Variants in PITPNM3 observed in about 807,000 individuals in gnomAD.
PITPNM3 encodes membrane-associated phosphatidylinositol transfer protein 3.
PITPNM3 carries 26 observed loss-of-function variants against 102.0 expected under a neutral mutation model. The ratio of observed to expected loss-of-function variants is 0.25; its 90% CI spans 0.19 to 0.35. The LOEUF (loss-of-function observed/expected upper bound fraction) is 0.35, where lower values mean the gene tolerates loss of function less well. Ranked by LOEUF, PITPNM3 falls within the 10% of genes least tolerant of loss-of-function variation. The pLI is 1.00. For synonymous variants in PITPNM3, 578 were observed against 558.6 expected (o/e 1.03, Z -0.49); for missense variants, 1,083 against 1,346.1 (o/e 0.80, Z 3.06).
At position 6,463,714 on chromosome 17, in the gene PITPNM3, G is replaced by A. The variant is rs200177991; in HGVS notation, c.2306+18C>T. 44 of 1,609,872 alleles carry A rather than the reference G, an allele frequency of 2.7e-5. No individual in the cohort carries two copies. Among genetic ancestry groups the A allele is most frequent in the Middle Eastern group, 2.2e-4 (1 of 4,478 alleles). ...TGCCCCCCAGGGAGATATAGCCCTC[G>A]TGGAAGGTGGCACTCACCGGACAAC... On this transcript the variant is annotated intron_variant, in intron 17 of 19. Transcript: ENST00000262483.
At chr17:6,507,154 G>C (rs530180671) in intron 3 of PITPNM3, among the ~76,000 whole-genome samples, 2 of 152,282 alleles carry the variant, frequency 1.3e-5, no homozygotes, top group Non-Finnish European at 2.9e-5. Flanking sequence ...TGGGGGTGGG[G>C]CTGAGAAGCC....
rs888489563 is a variant in PITPNM3, at chr17:6,458,167, C to T, written c.2491-445G>A. Among the ~76,000 whole-genome samples the T allele has an allele frequency of 6.6e-6, 1 of 151,990 alleles. No individual in the cohort carries two copies. The highest frequency in any genetic ancestry group is 1.9e-4 in the East Asian group (1 of 5,180). On this transcript the variant is annotated intron_variant, in intron 18 of 19. Transcript: ENST00000262483. This position sits in a 1 kb window ranked among gnomAD's most constrained non-coding sequence, Gnocchi z 5.1. ...GCCTCTCACTGGCTGGTGTGATGAC[C>T]GCCCCCCTCCCCAACCCCAGAATCC...
chr17:6,504,011 C>A lies in PITPNM3; in HGVS notation c.227-437G>T, dbSNP rs576346100. On this transcript the variant is annotated intron_variant, in intron 3 of 19. Transcript: ENST00000262483. Reference sequence around the variant, plus strand: ...CTTAGCTCTGGATCTGCATATCCCACTGCCCCCCAGACGTCTTCTGTGGCC... The same window carrying A: ...CTTAGCTCTGGATCTGCATATCCCAATGCCCCCCAGACGTCTTCTGTGGCC... Among the ~76,000 whole-genome samples the A allele has an allele frequency of 2.5e-4, 38 of 152,294 alleles. No homozygotes were observed. In the South Asian group the frequency reaches 3.5e-3, roughly 14 times the overall value.
chr17:6,544,789 T>C (rs1375471118), intron 1 of PITPNM3, among the ~76,000 whole-genome samples: 1 of 151,918 alleles, frequency 6.6e-6, no homozygotes, highest in African/African-American at 2.4e-5. Context: ...GGATGTCCCA[T>C]GGGCAGTGGG....
At chr17:6,552,972 G>A (rs544451279) in intron 1 of PITPNM3, among the ~76,000 whole-genome samples, 6 of 151,598 alleles carry the variant, frequency 4.0e-5, no homozygotes, top group Admixed American at 1.3e-4. Flanking sequence ...GGGTTTCACC[G>A]TGTTAGCCAG....
intron 6 of PITPNM3, chr17:6,481,635 AG>A (rs1220017757): frequency 6.6e-6 from 1 of 151,996 alleles, no homozygotes; most frequent in Non-Finnish European, 1.5e-5. Context: ...TCACTCCTCC[AG>A]GAAGTCCTCT....
chr17:6,480,183 A>G (rs1007430303), intron 6 of PITPNM3: 4 of 152,328 alleles, frequency 2.6e-5, no homozygotes, highest in African/African-American at 7.2e-5. Flanking sequence ...CAAGAATCAC[A>G]CCAGGGATTT....
chr17:6,544,409 A>G (rs1909897346), intron 1 of PITPNM3, among the ~76,000 whole-genome samples: 1 of 152,106 alleles, frequency 6.6e-6, no homozygotes, highest in East Asian at 1.9e-4. Context: ...GCATGTGCCT[A>G]TAGTCCCAGG....
At chr17:6,497,698 C>T (rs1421628687) in intron 4 of PITPNM3, among the ~76,000 whole-genome samples, 3 of 152,198 alleles carry the variant, frequency 2.0e-5, no homozygotes, top group East Asian at 1.9e-4. Context: ...TGATGCCAGG[C>T]GCTGGCTCTG....
rs1013492268 is a variant in PITPNM3 at position 6,455,226 on chromosome 17, C to A, written c.*112G>T. 2.2e-6 allele frequency: 3 copies of A among 1,339,016 alleles called. No homozygotes were observed. The African/African-American group carries it at 4.5e-5, about 20-fold the overall frequency. 82.9% of individuals were successfully genotyped at this position (1,339,016 alleles called of 1,614,324 possible). A position where few individuals can be genotyped will look rare whatever the true frequency, so the allele number is the denominator to read the frequency against. The stretch of plus-strand genomic sequence containing the variant: ...CTGGTCGGACACTGCTGGACAGACA[C>A]GGGAGGGAAAAAGCAGGAAAACGCC... On this transcript the variant is annotated 3_prime_UTR_variant, in exon 20 of 20. Transcript: ENST00000262483.
chr17:6,537,921 G>T lies in PITPNM3; in HGVS notation c.118+66C>A. On this transcript the variant is annotated intron_variant, in intron 2 of 19. Coordinates refer to ENST00000262483, the MANE Select transcript of PITPNM3 (RefSeq NM_031220.4). This position sits in a 1 kb window ranked among gnomAD's most constrained non-coding sequence, Gnocchi z 4.4. ...GGGGAGGGATGCGGACCCCCAAATG[G>T]GATCTTCTTCTTGAGGCTTCTAGGA... 3 of 1,366,608 alleles carry T rather than the reference G, an allele frequency of 2.2e-6. No individual in the cohort carries two copies. Among genetic ancestry groups the T allele is most frequent in the East Asian group, 2.3e-5 (1 of 42,748 alleles). 84.7% of individuals were successfully genotyped at this position (1,366,608 alleles called of 1,614,324 possible).
At position 6,546,075 on chromosome 17, in the gene PITPNM3, T is replaced by C. The variant is rs369204006; in HGVS notation, c.23-7993A>G. Among the ~76,000 whole-genome samples the C allele has an allele frequency of 2.2e-4, 34 of 152,280 alleles. No individual in the cohort carries two copies. In the South Asian group the frequency reaches 6.9e-3, roughly 31 times the overall value. Reference sequence around the variant, plus strand: ...GACCAGTCCAGGGCCAGCCAGCCTATCCTCAGCCTTGAAGGGGGGCTGTCC... The same window carrying C: ...GACCAGTCCAGGGCCAGCCAGCCTACCCTCAGCCTTGAAGGGGGGCTGTCC... On this transcript the variant is annotated intron_variant, in intron 1 of 19. Transcript: ENST00000262483.
intron 4 of PITPNM3, among the ~76,000 whole-genome samples, chr17:6,484,665 GA>G (rs1905963821): frequency 6.6e-6 from 1 of 152,226 alleles, no homozygotes; most frequent in African/African-American, 2.4e-5. Context: ...GCCTCCCGCT[GA>G]GAACAACTAG....
rs145913327 is a variant in PITPNM3, at chr17:6,457,742, TA to T, written c.2491-21del. On this transcript the variant is annotated intron_variant, in intron 18 of 19. Coordinates refer to ENST00000262483, the MANE Select transcript of PITPNM3 (RefSeq NM_031220.4). This position sits in a 1 kb window ranked among gnomAD's most constrained non-coding sequence, Gnocchi z 4.7. ...GAAGCACTGAAACACAGGGCAGGCA[TA>T]GGGGGAGAGTGAGGCCAGCCCACCC... 1,879 of 1,568,256 alleles carry T rather than the reference TA, an allele frequency of 1.2e-3. 19 individuals are homozygous for T. The African/African-American group carries it at 0.021, about 17-fold the overall frequency.
chr17:6,472,772 G>T lies in PITPNM3; in HGVS notation c.1314C>A (p.Asp438Glu). Residue 438 changes from aspartate (D) to glutamate (E), a missense_variant, in exon 11 of 20, where the codon GAC becomes GAA. Transcript: ENST00000262483. This position sits in a 1 kb window ranked among gnomAD's most constrained non-coding sequence, Gnocchi z 4.1. ...SQVYSFFHCA[D>E]PSASRLEPLL... ...GTGGCTCGAGCCGTGAGGCAGAGGG[G>T]TCTGCGCAATGGAAGAAGCTGTAGA... The T allele has an allele frequency of 6.2e-7, 1 of 1,614,154 alleles. No individual in the cohort carries two copies. The highest frequency in any genetic ancestry group is 1.1e-5 in the South Asian group (1 of 91,086).
At chr17:6,549,815 T>TC (rs1430464367) in intron 1 of PITPNM3, among the ~76,000 whole-genome samples, 1 of 152,110 alleles carries the variant, frequency 6.6e-6, no homozygotes, top group East Asian at 1.9e-4. Context: ...ACCGAGCCCT[T>TC]CCCCTGGGGA....
chr17:6,509,976 C>A lies in PITPNM3; in HGVS notation c.227-6402G>T, dbSNP rs185485905. ...GACCTCCCACCCCTTTTTACCACCC[C>A]CTAGCTCCACACCTCACCCCCAGCC... On this transcript the variant is annotated intron_variant, in intron 3 of 19. Coordinates refer to ENST00000262483, the MANE Select transcript of PITPNM3 (RefSeq NM_031220.4). Among the ~76,000 whole-genome samples the A allele has an allele frequency of 3.9e-5, 6 of 152,190 alleles. No homozygotes were observed. The South Asian group carries it at 8.3e-4, about 21-fold the overall frequency.
chr17:6,504,902 C>T (rs1295763923), intron 3 of PITPNM3, among the ~76,000 whole-genome samples: 3 of 152,080 alleles, frequency 2.0e-5, no homozygotes, highest in East Asian at 1.9e-4. Flanking sequence ...CGGCTAGGCA[C>T]GGTGGCTCAT....
In PITPNM3 at chr17:6,453,067, TCTCTGTCTTCCTTTCTTTC is replaced by T. The variant is rs1913931311; in HGVS notation, c.*2252_*2270del. The T allele has an allele frequency of 1.3e-5, 2 of 150,830 alleles. No homozygotes were observed. The highest frequency in any genetic ancestry group is 2.0e-4 in the East Asian group (1 of 4,880). The allele number at this position is 150,830 out of a possible 1,614,324, so 9.3% of individuals were successfully genotyped here. A position where few individuals can be genotyped will look rare whatever the true frequency, so the allele number is the denominator to read the frequency against. ...CTCCCTCTCTCTCTCTGCCTTCCTC[TCTCTGTCTTCCTTTCTTTC>T]CTCTGTCTTCCTTTCTTTCTCTCTC... is the stretch of plus-strand genomic sequence containing the variant. On this transcript the variant is annotated 3_prime_UTR_variant, in exon 20 of 20. Transcript: ENST00000262483.
Sources: allele counts gnomAD v4.1 joint callset (sites outside exome capture counted in the v4.1 genomes callset), GRCh38; gene constraint gnomAD v4.1.1; non-coding constraint Gnocchi (gnomAD v3.1); transcripts MANE v1.5; gene names NCBI Gene and HGNC (gene_info 2026-07-23, HGNC 2026-07-21).